Variants in PLA1A observed in about 807,000 individuals in gnomAD.
PLA1A encodes the protein phospholipase A1 member A, also known as phosphatidylserine-specific phospholipase A1alpha.
Under a neutral mutation model 49.4 loss-of-function variants are expected in PLA1A, and 47 were observed. The ratio of observed to expected loss-of-function variants is 0.95; its 90% CI spans 0.75 to 1.21. The LOEUF is 1.21. Ranked by LOEUF, PLA1A falls within the 50% of genes most tolerant of loss-of-function variation. PLA1A has a pLI of 0.00. For missense variants in PLA1A, 561 were observed against 563.9 expected, an observed-to-expected ratio of 0.99 and a Z score of 0.05; for synonymous variants, 224 against 207.9, an observed-to-expected ratio of 1.08 and a Z score of -0.67.
chr3:119,613,014 C>T lies in PLA1A; in HGVS notation c.563-3C>T, dbSNP rs766971253. On this transcript the variant is annotated splice_polypyrimidine_tract_variant and splice_region_variant and intron_variant, in intron 4 of 10. Transcript: ENST00000273371. ...GGTCCCTCATATCAGTCTCTTCTCA[C>T]AGGCCTGGACCCCGCTGGACCTGAG... The T allele has an allele frequency of 3.2e-6, 5 of 1,575,856 alleles. No homozygotes were observed. The East Asian group carries it at 6.9e-5, about 22-fold the overall frequency.
chr3:119,610,566 G>A (rs2082751718), intron 4 of PLA1A, among the ~76,000 whole-genome samples: 1 of 152,182 alleles, frequency 6.6e-6, no homozygotes, highest in Admixed American at 6.5e-5. Context: ...GATTAGTGAT[G>A]TTGAGCATTT....
chr3:119,619,742 A>G, intron 8 of PLA1A, 90 bp downstream of exon 8: 1 of 904,316 alleles, frequency 1.1e-6, no homozygotes, highest in South Asian at 1.3e-5. Context: ...GGAGTGAATG[A>G]TAAGAGCAAA....
At chr3:119,609,002 A>G (rs2082731009) in intron 3 of PLA1A, 55 bp downstream of exon 3, 1 of 1,451,086 alleles carries the variant, frequency 6.9e-7, no homozygotes, top group Non-Finnish European at 9.6e-7. Context: ...AGAGAGGGTC[A>G]GAAAGACAAA....
chr3:119,613,734 A>G (rs2082802312), intron 5 of PLA1A, among the ~76,000 whole-genome samples: 1 of 152,212 alleles, frequency 6.6e-6, no homozygotes, highest in Non-Finnish European at 1.5e-5. Flanking sequence ...TCTACTAAAA[A>G]TACAAAAAAT....
Position 119,597,962 on chromosome 3 carries a change from T to C in PLA1A, c.49T>C (p.Leu17=), listed in dbSNP as rs755683041. The C allele has an allele frequency of 9.9e-6, 16 of 1,609,936 alleles. No homozygotes were observed. The South Asian group carries it at 1.6e-4, about 16-fold the overall frequency. Reference sequence around the variant, plus strand: ...CTGCTTCTGGGTGGGGGGCCTCATTTTGTGGCTCAGCGTTGGAAGTTCAGG... The same window carrying C: ...CTGCTTCTGGGTGGGGGGCCTCATTCTGTGGCTCAGCGTTGGAAGTTCAGG... ...ESCFWVGGLI[L]WLSVGSSGDA... The change falls in exon 1 of 11, where the codon TTG becomes CTG. Residue 17 remains leucine, a synonymous_variant. Transcript: ENST00000273371.
intron 9 of PLA1A, among the ~76,000 whole-genome samples, chr3:119,626,965 T>C (rs937141099): frequency 1.3e-5 from 2 of 152,206 alleles, no homozygotes; most frequent in African/African-American, 4.8e-5. Flanking sequence ...CCAGCAACAC[T>C]GGCAGGAGTC....
chr3:119,598,423 C>T (rs2082570556), intron 1 of PLA1A, among the ~76,000 whole-genome samples: 1 of 152,182 alleles, frequency 6.6e-6, no homozygotes, highest in African/African-American at 2.4e-5. Flanking sequence ...CAACCTAACT[C>T]AAGTGGTTTG....
chr3:119,622,604 A>G (rs987557741), intron 8 of PLA1A, among the ~76,000 whole-genome samples: 5 of 152,126 alleles, frequency 3.3e-5, no homozygotes, highest in African/African-American at 1.2e-4. Context: ...ACCTGCATCC[A>G]GTTTATGTTC....
At chr3:119,600,547 C>G in intron 1 of PLA1A, 1 of 618,310 alleles carries the variant, frequency 1.6e-6, no homozygotes, top group Non-Finnish European at 2.9e-6. Flanking sequence ...CTGGCGTCTT[C>G]TTCATCCTTG....
chr3:119,609,663 AGTACAGAGCCTT>A, intron 4 of PLA1A, 87 bp downstream of exon 4: 1 of 704,932 alleles, frequency 1.4e-6, no homozygotes, highest in Admixed American at 2.5e-5. Context: ...AGCAGAGGGG[AGTACAGAGCCTT>A]TGTTCTCACG....
chr3:119,611,196 A>G (rs1420437891), intron 4 of PLA1A, among the ~76,000 whole-genome samples: 2 of 152,242 alleles, frequency 1.3e-5, no homozygotes, highest in East Asian at 3.9e-4. Flanking sequence ...TTGTACCAGT[A>G]CCATACTGTT....
At chr3:119,620,298 A>T (rs2082912276) in intron 8 of PLA1A, 2 of 389,704 alleles carry the variant, frequency 5.1e-6, no homozygotes, top group Admixed American at 5.8e-5. Context: ...TTGCTTTATC[A>T]TGTGTACAGG....
chr3:119,599,538 C>A (rs1015767969), intron 1 of PLA1A, among the ~76,000 whole-genome samples: 5 of 152,130 alleles, frequency 3.3e-5, no homozygotes, highest in Admixed American at 2.0e-4. Flanking sequence ...AAATTGGCAT[C>A]AAACTCTTTT....
At chr3:119,609,986 C>G (rs1467301131) in intron 4 of PLA1A, among the ~76,000 whole-genome samples, 1 of 152,118 alleles carries the variant, frequency 6.6e-6, no homozygotes, top group Non-Finnish European at 1.5e-5. Flanking sequence ...TTTCCTCCCC[C>G]TTTTGAAATC....
rs138987407 is a variant in PLA1A at position 119,610,404 on chromosome 3, G to A, written c.562+828G>A. Among the ~76,000 whole-genome samples, 211 of 152,210 alleles carry A rather than the reference G, an allele frequency of 1.4e-3. 1 individual carries two copies. The highest frequency in any genetic ancestry group is 4.9e-3 in the African/African-American group (202 of 41,518). Reference sequence around the variant, plus strand: ...TAGTTCTTTGAGGAATCTTCAGATCGCTTTCCATAGTGGCTGAACTTATTT... The same window carrying A: ...TAGTTCTTTGAGGAATCTTCAGATCACTTTCCATAGTGGCTGAACTTATTT... On this transcript the variant is annotated intron_variant, in intron 4 of 10. Transcript: ENST00000273371.
chr3:119,608,045 AG>A (rs2082711840), intron 2 of PLA1A, among the ~76,000 whole-genome samples: 1 of 152,214 alleles, frequency 6.6e-6, no homozygotes, highest in Non-Finnish European at 1.5e-5. Flanking sequence ...CCAGAAGGAC[AG>A]GGACTATATC....
chr3:119,610,616 G>C (rs905970338), intron 4 of PLA1A, among the ~76,000 whole-genome samples: 2 of 152,152 alleles, frequency 1.3e-5, no homozygotes, highest in Admixed American at 1.3e-4. Context: ...CTTCTTTCAA[G>C]AAGTCTCTTT....
chr3:119,614,893 C>T lies in PLA1A; in HGVS notation c.665-1119C>T, dbSNP rs563124089. Among the ~76,000 whole-genome samples the T allele has an allele frequency of 8.5e-5, 13 of 152,240 alleles. No individual in the cohort carries two copies. The South Asian group carries it at 2.5e-3, about 29-fold the overall frequency. ...ACTGTAGGAGTCATGAAGGGAAGCC[C>T]GGATGCCCATTAGAGAGTGTCTGCA... On this transcript the variant is annotated intron_variant, in intron 5 of 10. Coordinates refer to ENST00000273371, the MANE Select transcript of PLA1A (RefSeq NM_015900.4).
At chr3:119,600,990 G>T (rs1006122665) in intron 1 of PLA1A, among the ~76,000 whole-genome samples, 3 of 152,180 alleles carry the variant, frequency 2.0e-5, no homozygotes, top group Non-Finnish European at 4.4e-5. Context: ...GGGGGCCTCC[G>T]CCCTCCTCCC....
Sources: gnomAD v4.1 joint callset for allele counts (sites outside exome capture counted in the v4.1 genomes callset) on GRCh38, gnomAD v4.1.1 for gene constraint, MANE v1.5 for transcripts, NCBI Gene and HGNC (gene_info 2026-07-23, HGNC 2026-07-21) for gene names.